NID2: variants seen among roughly 807,000 people sequenced by gnomAD.
NID2 encodes nidogen-2.
A neutral mutation model predicts 145.4 loss-of-function variants in NID2; 83 were observed. The ratio of observed to expected loss-of-function variants is 0.57; its 90% CI spans 0.48 to 0.69. The LOEUF (loss-of-function observed/expected upper bound fraction) is 0.69, where lower values mean the gene tolerates loss of function less well. NID2 is among the 30% of genes least tolerant of loss of function. NID2 has a pLI of 0.00. For synonymous variants in NID2, 739 were observed against 701.3 expected, an observed-to-expected ratio of 1.05 and a Z score of -0.85; for missense variants, 1,807 against 1,765.7, an observed-to-expected ratio of 1.02 and a Z score of -0.42.
intron 2 of NID2, among the ~76,000 whole-genome samples, chr14:52,064,535 A>G (rs1893123255): frequency 6.6e-6 from 1 of 152,302 alleles, no homozygotes; most frequent in East Asian, 1.9e-4. Context: ...AAATTAATCC[A>G]TTCCTGAGGG....
Position 52,060,143 on chromosome 14 carries a change from A to T in NID2, c.748T>A (p.Ser250Thr), listed in dbSNP as rs146236212. The change falls in exon 3 of 22, where the codon TCT becomes ACT. Residue 250 changes from serine (S) to threonine (T), a missense_variant. By Grantham distance (58) the Ser-to-Thr change is moderately conservative. Transcript: ENST00000216286. ...PYFSLTSTEQ[S>T]VKNLYQLSNL... ...ACTTACTGATAGAGATTTTTCACAG[A>T]CTGTTCAGTGCTAGTCAAGCTGAAA... The T allele has an allele frequency of 2.5e-6, 4 of 1,604,818 alleles. No individual in the cohort carries two copies. Among genetic ancestry groups the T allele is most frequent in the Non-Finnish European group, 3.4e-6 (4 of 1,172,946 alleles).
chr14:52,024,021 C>A (rs749019769), intron 12 of NID2, among the ~76,000 whole-genome samples: 11 of 152,238 alleles, frequency 7.2e-5, no homozygotes, highest in Non-Finnish European at 1.3e-4. Context: ...AATATGCACA[C>A]ATACACATAT....
chr14:52,027,925 C>T (rs563267891), intron 11 of NID2, among the ~76,000 whole-genome samples: 1 of 152,088 alleles, frequency 6.6e-6, no homozygotes, highest in South Asian at 2.1e-4. Context: ...CCATCTTTAT[C>T]AATGGGATGA....
At chr14:52,028,982 A>T in intron 10 of NID2, 132 bp from the exon 11 acceptor site, 1 of 854,094 alleles carries the variant, frequency 1.2e-6, no homozygotes. Context: ...TAGAATTTTT[A>T]AAAATCAGAT....
chr14:52,052,360 G>A (rs924538030), intron 5 of NID2, among the ~76,000 whole-genome samples: 1 of 152,116 alleles, frequency 6.6e-6, no homozygotes, highest in Non-Finnish European at 1.5e-5. Context: ...AGTAACAGCA[G>A]CCACTATTTA....
Position 52,065,774 on chromosome 14 carries a change from G to A in NID2, c.534+2084C>T, listed in dbSNP as rs1355667027. 7.6e-4 allele frequency among the ~76,000 whole-genome samples: 93 copies of A among 123,012 alleles called. 2 individuals are homozygous for A. In the South Asian group the frequency reaches 0.024, roughly 32 times the overall value. The allele number at this position is 123,012 out of a possible 152,430, so 80.7% of individuals were successfully genotyped here. On this transcript the variant is annotated intron_variant, in intron 2 of 21. Transcript: ENST00000216286. The stretch of plus-strand genomic sequence containing the variant: ...GCAGTGTTTGGTTTTTTGTTCTTGC[G>A]ATAGTTTACTGAGAATGATGGTTTC...
Position 52,006,546 on chromosome 14 carries a change from T to C in NID2, c.3995A>G (p.Asp1332Gly). The change falls in exon 20 of 22, where the codon GAC becomes GGC. Residue 1332 changes from aspartate (D) to glycine (G), a missense_variant. By Grantham distance (94) the Asp-to-Gly change is moderately conservative. Transcript: ENST00000216286. ...AATTTGTGGGGCTCACCTCCTCCAG[T>C]CTGTGTGGTAGAAGTGATCTGCATA... ...VSYADHFYHTDWRRDGVVSVN... is the reference protein window; with the variant it reads ...VSYADHFYHTGWRRDGVVSVN... 1 of 1,613,666 alleles carries C rather than the reference T, an allele frequency of 6.2e-7. No homozygotes were observed. The highest frequency in any genetic ancestry group is 1.7e-4 in the Middle Eastern group (1 of 6,058).
In NID2 at chr14:52,015,246, C is replaced by G; in HGVS notation, c.3058G>C (p.Glu1020Gln). ...EPTQRPPTIC[E>Q]RWRENLLEHY... ...TCCAGCAGGTTTTCCCTCCAGCGCT[C>G]ACAGATGGTCGGGGGCCTCTGGGTG... The change falls in exon 15 of 22, where the codon GAG becomes CAG. Residue 1020 changes from glutamate (E) to glutamine (Q), a missense_variant. Glu to Gln is a conservative substitution (Grantham distance 29). Coordinates refer to ENST00000216286, the MANE Select transcript of NID2 (RefSeq NM_007361.4). 6.2e-7 allele frequency: 1 copy of G among 1,612,622 alleles called. No homozygotes were observed. The highest frequency in any genetic ancestry group is 1.1e-5 in the South Asian group (1 of 91,050).
chr14:52,035,878 A>ACATATATATATATGTATTTATATT (rs1555364238), intron 9 of NID2, among the ~76,000 whole-genome samples: 1 of 135,204 alleles, frequency 7.4e-6, no homozygotes, highest in East Asian at 2.1e-4. Context: ...ATATATATAT[A>ACATATATATATATGTATTTATATT]TGTTTTATTT....
intron 9 of NID2, among the ~76,000 whole-genome samples, chr14:52,033,169 T>A (rs1212264484): frequency 1.3e-5 from 2 of 152,178 alleles, no homozygotes; most frequent in East Asian, 3.8e-4. Context: ...TCTTAAGACA[T>A]TTTCTATTTC....
rs765532906 is a variant in NID2, at chr14:52,035,866, A to ATGTG, written c.2257+2880_2257+2881insCACA. ...GCTAAATTTTTTTGTGTATATATAT[A>ATGTG]TATATATATATATGTTTTATTTTGT... is the stretch of plus-strand genomic sequence containing the variant. On this transcript the variant is annotated intron_variant, in intron 9 of 21. Transcript: ENST00000216286. Among the ~76,000 whole-genome samples the ATGTG allele has an allele frequency of 6.3e-3, 867 of 136,558 alleles. 20 individuals carry two copies. Among genetic ancestry groups the ATGTG allele is most frequent in the African/African-American group, 0.023 (832 of 36,448 alleles). 89.6% of individuals were successfully genotyped at this position (136,558 alleles called of 152,430 possible). A position where few individuals can be genotyped will look rare whatever the true frequency, so the allele number is the denominator to read the frequency against.
At chr14:52,013,535 AAGTGCCTGG>A (rs1474038134) in intron 16 of NID2, among the ~76,000 whole-genome samples, 10 of 152,206 alleles carry the variant, frequency 6.6e-5, no homozygotes, top group Non-Finnish European at 1.3e-4. Context: ...AGGGATGAGC[AAGTGCCTGG>A]AGTGTGAAGT....
At chr14:52,011,139 G>T in intron 17 of NID2, 92 bp from the exon 18 acceptor site, 2 of 1,253,364 alleles carry the variant, frequency 1.6e-6, no homozygotes, top group South Asian at 1.3e-5. Flanking sequence ...AGGGGGGTCA[G>T]CAGGGGAAAG....
intron 18 of NID2, 90 bp downstream of exon 18, chr14:52,010,786 T>G: frequency 7.6e-7 from 1 of 1,316,108 alleles, no homozygotes; most frequent in South Asian, 1.3e-5. Flanking sequence ...TTCACTCTCT[T>G]GTTCTGACCT....
intron 3 of NID2, among the ~76,000 whole-genome samples, chr14:52,057,496 A>G (rs1419441411): frequency 5.3e-5 from 8 of 152,120 alleles, no homozygotes. Flanking sequence ...TGAGGTCAGG[A>G]GTTTTAGACC....
At position 52,027,335 on chromosome 14, in the gene NID2, G is replaced by A; in HGVS notation, c.2540C>T (p.Pro847Leu). The A allele has an allele frequency of 6.4e-7, 1 of 1,566,356 alleles. No homozygotes were observed. The highest frequency in any genetic ancestry group is 8.6e-7 in the Non-Finnish European group (1 of 1,159,146). ...DDRHTCILIT[P>L]PANPCEDGSH... ...GCCATCCTCACAGGGGTTGGCAGGT[G>A]GGGTGATCACTGAAAAGAGAAGAAG... The change falls in exon 12 of 22, where the codon CCA (proline) becomes CTA (leucine). Residue 847 changes from proline to leucine, a missense_variant. Pro to Leu is a moderately conservative substitution (Grantham distance 98). Transcript: ENST00000216286.
At chr14:52,045,220 G>A (rs1892444971) in intron 5 of NID2, among the ~76,000 whole-genome samples, 1 of 152,144 alleles carries the variant, frequency 6.6e-6, no homozygotes, top group African/African-American at 2.4e-5. Context: ...TTATCGAGAT[G>A]ACTATTACAG....
chr14:52,047,152 G>A (rs952725772), intron 5 of NID2, among the ~76,000 whole-genome samples: 2 of 152,198 alleles, frequency 1.3e-5, no homozygotes, highest in Non-Finnish European at 2.9e-5. Context: ...TTCACATCCT[G>A]AAGCTTACAT....
intron 20 of NID2, 96 bp downstream of exon 20, chr14:52,006,441 A>ATGAGTCAAGT (rs554486524): frequency 9.0e-4 from 1,295 of 1,431,732 alleles, no homozygotes; most frequent in Non-Finnish European, 1.1e-3. Context: ...AGAGGGCTTA[A>ATGAGTCAAGT]TGAGTCAAGT....
Sources: gnomAD v4.1 joint callset for allele counts (sites outside exome capture counted in the v4.1 genomes callset) on GRCh38, gnomAD v4.1.1 for gene constraint, MANE v1.5 for transcripts, NCBI Gene and HGNC (gene_info 2026-07-23, HGNC 2026-07-21) for gene names.